The following CCDC178 variants were observed in gnomAD, a reference collection of about 807,000 sequenced individuals.
CCDC178 encodes coiled-coil domain-containing protein 178.
Under a neutral mutation model 117.4 loss-of-function variants are expected in CCDC178, and 126 were observed. The ratio of observed to expected loss-of-function variants is 1.07; its 90% CI spans 0.93 to 1.24. The LOEUF is 1.24. Ranked by LOEUF, CCDC178 falls within the 50% of genes most tolerant of loss-of-function variation. The pLI is 0.00. For missense variants in CCDC178, 1,030 were observed against 986.9 expected (o/e 1.04, Z -0.59); for synonymous variants, 283 against 313.4 (o/e 0.90, Z 1.02).
chr18:33,070,811 A>C (rs1363616988), intron 21 of CCDC178, among the ~76,000 whole-genome samples: 3 of 152,110 alleles, frequency 2.0e-5, no homozygotes, highest in Non-Finnish European at 4.4e-5. Context: ...ATCAATACAA[A>C]TTGGTTAAAA....
intron 20 of CCDC178, among the ~76,000 whole-genome samples, chr18:33,152,226 C>A (rs970491368): frequency 6.6e-6 from 1 of 152,052 alleles, no homozygotes; most frequent in African/African-American, 2.4e-5. Context: ...TAAAGGCCTA[C>A]AATTTTGAGA....
At chr18:32,949,035 C>T (rs549089400) in intron 22 of CCDC178, among the ~76,000 whole-genome samples, 4 of 152,182 alleles carry the variant, frequency 2.6e-5, no homozygotes, top group African/African-American at 9.6e-5. Flanking sequence ...GCTAGAATGA[C>T]TTTCCCTCCC....
At chr18:32,990,534 A>T (rs1363225174) in intron 21 of CCDC178, among the ~76,000 whole-genome samples, 1 of 152,150 alleles carries the variant, frequency 6.6e-6, no homozygotes, top group Non-Finnish European at 1.5e-5. Context: ...ATTGATTCTG[A>T]ATGTGAAAAA....
intron 20 of CCDC178, among the ~76,000 whole-genome samples, chr18:33,133,572 T>C (rs1409005014): frequency 1.3e-5 from 2 of 151,922 alleles, no homozygotes; most frequent in East Asian, 3.9e-4. Flanking sequence ...AGGTATCTAT[T>C]GTTTTACAAA....
intron 21 of CCDC178, among the ~76,000 whole-genome samples, chr18:32,989,823 A>G (rs2055350375): frequency 6.6e-6 from 1 of 152,020 alleles, no homozygotes; most frequent in Non-Finnish European, 1.5e-5. Flanking sequence ...AAAAACTCAC[A>G]TATAGAAAAA....
intron 12 of CCDC178, among the ~76,000 whole-genome samples, chr18:33,285,303 T>C (rs1470661239): frequency 2.0e-5 from 3 of 152,046 alleles, no homozygotes; most frequent in Non-Finnish European, 4.4e-5. Context: ...TAGCCTGATA[T>C]GACAATTATG....
At chr18:33,239,890 A>G (rs1261547115) in intron 15 of CCDC178, among the ~76,000 whole-genome samples, 1 of 151,976 alleles carries the variant, frequency 6.6e-6, no homozygotes, top group Non-Finnish European at 1.5e-5. Flanking sequence ...GTTTAGAGCT[A>G]TTTCAATATT....
At chr18:33,251,610 G>GC (rs1259667481) in intron 14 of CCDC178, among the ~76,000 whole-genome samples, 2 of 151,694 alleles carry the variant, frequency 1.3e-5, no homozygotes, top group African/African-American at 4.8e-5. Flanking sequence ...ATGGTCATAT[G>GC]TTTTTATAAA....
chr18:33,408,657 T>C (rs1289944328), intron 3 of CCDC178, among the ~76,000 whole-genome samples: 1 of 152,156 alleles, frequency 6.6e-6, no homozygotes, highest in African/African-American at 2.4e-5. Context: ...TTTCCAGATA[T>C]GTTTACACAT....
At chr18:32,951,674 T>TCAAAACA (rs1384373091) in intron 22 of CCDC178, among the ~76,000 whole-genome samples, 14 of 152,144 alleles carry the variant, frequency 9.2e-5, no homozygotes, top group Non-Finnish European at 1.5e-4. Flanking sequence ...TCCTCACATT[T>TCAAAACA]CAAAACACAA....
intron 3 of CCDC178, among the ~76,000 whole-genome samples, chr18:33,409,144 G>A (rs1172814506): frequency 6.6e-6 from 1 of 152,098 alleles, no homozygotes; most frequent in Non-Finnish European, 1.5e-5. Context: ...CACCCAAGCT[G>A]GAGTGCAGAG....
chr18:33,164,967 G>T lies in CCDC178; in HGVS notation c.2238+46929C>A, dbSNP rs138486547. On this transcript the variant is annotated intron_variant, in intron 20 of 22. Transcript: ENST00000383096. Reference sequence around the variant, plus strand: ...GGTCATTTTGGTGTATTAGTTTGTGGAGTTATGCAGGTCTTCCAAATACTG... The same window carrying T: ...GGTCATTTTGGTGTATTAGTTTGTGTAGTTATGCAGGTCTTCCAAATACTG... 1.8e-3 allele frequency among the ~76,000 whole-genome samples: 271 copies of T among 152,244 alleles called. 1 individual carries two copies. Among genetic ancestry groups the T allele is most frequent in the African/African-American group, 6.1e-3 (252 of 41,540 alleles).
intron 21 of CCDC178, among the ~76,000 whole-genome samples, chr18:33,047,670 T>C (rs1282085696): frequency 6.6e-6 from 1 of 151,900 alleles, no homozygotes; most frequent in Non-Finnish European, 1.5e-5. Context: ...AAAATCTTTC[T>C]ACAGAGTTAT....
chr18:33,061,677 G>C (rs1258804834), intron 21 of CCDC178, among the ~76,000 whole-genome samples: 1 of 152,078 alleles, frequency 6.6e-6, no homozygotes, highest in Non-Finnish European at 1.5e-5. Context: ...TTCACACATT[G>C]GTTTCATTTT....
intron 11 of CCDC178, among the ~76,000 whole-genome samples, chr18:33,305,437 T>C (rs1373840411): frequency 6.6e-6 from 1 of 152,134 alleles, no homozygotes; most frequent in Non-Finnish European, 1.5e-5. Flanking sequence ...CGTGGTCCTG[T>C]ACTCAGTAGA....
chr18:33,401,925 T>C (rs1261166740), intron 3 of CCDC178, among the ~76,000 whole-genome samples: 1 of 152,126 alleles, frequency 6.6e-6, no homozygotes, highest in African/African-American at 2.4e-5. Context: ...GTAATAAAAA[T>C]GTAAAGTAGA....
At chr18:33,071,224 G>A (rs762889814) in intron 21 of CCDC178, among the ~76,000 whole-genome samples, 4 of 152,038 alleles carry the variant, frequency 2.6e-5, no homozygotes, top group Non-Finnish European at 5.9e-5. Context: ...GACGCATAGA[G>A]GAATGAATTG....
At chr18:33,345,317 A>G (rs1279671990) in intron 9 of CCDC178, among the ~76,000 whole-genome samples, 1 of 152,136 alleles carries the variant, frequency 6.6e-6, no homozygotes, top group African/African-American at 2.4e-5. Flanking sequence ...TTGTAGAACA[A>G]ACAAACAAAC....
chr18:33,336,274 G>A (rs1340796574), intron 9 of CCDC178, among the ~76,000 whole-genome samples: 1 of 151,988 alleles, frequency 6.6e-6, no homozygotes, highest in East Asian at 1.9e-4. Context: ...TCTCTAATTA[G>A]ACTTGTCACT....
Sources: allele counts gnomAD v4.1 joint callset (sites outside exome capture counted in the v4.1 genomes callset), GRCh38; gene constraint gnomAD v4.1.1; transcripts MANE v1.5; gene names NCBI Gene and HGNC (gene_info 2026-07-23, HGNC 2026-07-21).